The following MPRIP variants were observed in gnomAD, a reference collection of about 807,000 sequenced individuals.
MPRIP encodes myosin phosphatase Rho interacting protein.
In MPRIP, 59 loss-of-function variants were observed where a neutral mutation model predicts 234.9. The ratio of observed to expected loss-of-function variants is 0.25; its 90% confidence interval spans 0.20 to 0.31. MPRIP has a LOEUF of 0.31. Among genes scored for constraint, MPRIP ranks in the 10% least tolerant of loss-of-function variants. The pLI is 1.00. For synonymous variants in MPRIP, 1,144 were observed against 1,263.9 expected, an observed-to-expected ratio of 0.91 and a Z score of 2.01; for missense variants, 2,436 against 3,071.0, an observed-to-expected ratio of 0.79 and a Z score of 4.89.
In MPRIP at chr17:17,187,826, A is replaced by T. The variant is rs2046505850; in HGVS notation, c.*2932A>T. 6.6e-6 allele frequency: 1 copy of T among 152,270 alleles called. No individual in the cohort carries two copies. The highest frequency in any genetic ancestry group is 2.4e-5 in the African/African-American group (1 of 41,468). The allele number at this position is 152,270 out of a possible 1,614,324, so 9.4% of individuals were successfully genotyped here. ...TAGGGACAGCTGCAGGCGGGGTCTC[A>T]GGCTGCTCCTTGGCACCAGCTACAC... On this transcript the variant is annotated 3_prime_UTR_variant, in exon 24 of 24. Transcript: ENST00000651222.
In MPRIP at chr17:17,165,635, C is replaced by G. The variant is rs569116589; in HGVS notation, c.4044C>G (p.Ser1348=). Residue 1348 remains serine, a synonymous_variant, in exon 16 of 24, where the codon TCC becomes TCG. Transcript: ENST00000651222. ...SEKTWTSSTS[S]DTSQDRSPSE... is the part of the protein sequence containing the mutation. The stretch of plus-strand genomic sequence containing the variant: ...AGACCTGGACCAGCAGCACATCTTC[C>G]GACACCAGCCAGGACCGGTCACCCT... The G allele has an allele frequency of 1.5e-6, 2 of 1,304,910 alleles. No individual in the cohort carries two copies. Among genetic ancestry groups the G allele is most frequent in the Non-Finnish European group, 2.0e-6 (2 of 989,054 alleles). 80.8% of individuals were successfully genotyped at this position (1,304,910 alleles called of 1,614,324 possible). A position where few individuals can be genotyped will look rare whatever the true frequency, so the allele number is the denominator to read the frequency against.
chr17:17,119,397 C>T lies in MPRIP; in HGVS notation c.268-7305C>T, dbSNP rs1359700473. Among the ~76,000 whole-genome samples, 3 of 152,260 alleles carry T rather than the reference C, an allele frequency of 2.0e-5. No homozygotes were observed. In the East Asian group the frequency reaches 5.8e-4, roughly 29 times the overall value. On this transcript the variant is annotated intron_variant, in intron 3 of 23. Transcript: ENST00000651222. ...CCCTGCCTACAGTTTCTCTGATAAA[C>T]TTAGGCATGACCTTGTGCAAACAAT...
At chr17:17,173,269 A>T (rs762457396) in intron 18 of MPRIP, among the ~76,000 whole-genome samples, 3 of 152,258 alleles carry the variant, frequency 2.0e-5, no homozygotes, top group Admixed American at 6.5e-5. Flanking sequence ...GACTTTTTTC[A>T]CTTGGTAGAA....
At position 17,143,550 on chromosome 17, in the gene MPRIP, C is replaced by T; in HGVS notation, c.1390-6C>T. On this transcript the variant is annotated splice_polypyrimidine_tract_variant and splice_region_variant and intron_variant, in intron 8 of 23. Coordinates refer to ENST00000651222, the MANE Select transcript of MPRIP (RefSeq NM_001364716.4). ...TGCACTGACCAGCGGCTGCTCTCTGCCACAGGACTTCACCAATGAAGCCCC... is the reference window on the plus strand; with the variant it reads ...TGCACTGACCAGCGGCTGCTCTCTGTCACAGGACTTCACCAATGAAGCCCC... The T allele has an allele frequency of 6.3e-7, 1 of 1,584,702 alleles. No individual in the cohort carries two copies. Among genetic ancestry groups the T allele is most frequent in the Non-Finnish European group, 8.6e-7 (1 of 1,162,044 alleles).
intron 17 of MPRIP, among the ~76,000 whole-genome samples, 169 bp from the exon 18 acceptor site, chr17:17,172,529 A>C (rs551979399): frequency 6.6e-6 from 1 of 152,210 alleles, no homozygotes; most frequent in South Asian, 2.1e-4. Context: ...CCCACCTCAG[A>C]GAATTGGTTC....
chr17:17,168,373 G>T, intron 16 of MPRIP: 1 of 237,462 alleles, frequency 4.2e-6, no homozygotes, highest in Non-Finnish European at 8.4e-6. Flanking sequence ...CCCAGTTGGA[G>T]GGCAGTCTCC....
intron 1 of MPRIP, among the ~76,000 whole-genome samples, chr17:17,064,515 A>G (rs144639699): frequency 1.1e-4 from 16 of 152,282 alleles, no homozygotes; most frequent in African/African-American, 3.6e-4. Context: ...TACTGACTAC[A>G]ATGCAGAAAG....
chr17:17,076,936 C>CTTTTTTTTTTTTTT (rs5819598), intron 2 of MPRIP: 1 of 91,376 alleles, frequency 1.1e-5, no homozygotes, highest in African/African-American at 4.2e-5. Context: ...GGGCTCTTTG[C>CTTTTTTTTTTTTTT]TTTTTTTTTT....
chr17:17,147,168 CTGTA>C, intron 10 of MPRIP, 147 bp from the exon 11 acceptor site: 1 of 717,804 alleles, frequency 1.4e-6, no homozygotes, highest in East Asian at 2.6e-5. Context: ...GCAGAGTCCT[CTGTA>C]TGCTGTCAAG....
At chr17:17,123,563 G>A (rs2090432746) in intron 3 of MPRIP, among the ~76,000 whole-genome samples, 1 of 151,844 alleles carries the variant, frequency 6.6e-6, no homozygotes, top group Non-Finnish European at 1.5e-5. Flanking sequence ...AATTAGCTGG[G>A]TGTGGTAGCA....
Position 17,165,495 on chromosome 17 carries a change from G to A in MPRIP, c.3904G>A (p.Gly1302Ser). Residue 1302 changes from glycine (G) to serine (S), a missense_variant, in exon 16 of 24, where the codon GGC becomes AGC. By Grantham distance (56) the Gly-to-Ser change is moderately conservative. Transcript: ENST00000651222. ...GTCAGTGGAAGTGCTTGACAGGGAGGGCCATCAGCAGGGCACAGCCAAACT... is the reference window on the plus strand; with the variant it reads ...GTCAGTGGAAGTGCTTGACAGGGAGAGCCATCAGCAGGGCACAGCCAAACT... ...PKSVEVLDREGHQQGTAKLDQ... is the reference protein window; with the variant it reads ...PKSVEVLDRESHQQGTAKLDQ... The A allele has an allele frequency of 7.7e-7, 1 of 1,304,314 alleles. No individual in the cohort carries two copies. Among genetic ancestry groups the A allele is most frequent in the Non-Finnish European group, 1.0e-6 (1 of 988,970 alleles). 80.8% of individuals were successfully genotyped at this position (1,304,314 alleles called of 1,614,324 possible).
At chr17:17,070,360 C>T (rs1475174834) in intron 1 of MPRIP, among the ~76,000 whole-genome samples, 1 of 152,196 alleles carries the variant, frequency 6.6e-6, no homozygotes, top group African/African-American at 2.4e-5. Flanking sequence ...CCGCTTCACC[C>T]TTCCTCCTAT....
At chr17:17,181,516 C>T (rs2046374131) in intron 23 of MPRIP, 1 of 152,228 alleles carries the variant, frequency 6.6e-6, no homozygotes, top group South Asian at 2.1e-4. Context: ...GTCCCCTATA[C>T]CCAAATATGG....
intron 1 of MPRIP, among the ~76,000 whole-genome samples, chr17:17,043,820 T>A (rs557093394): frequency 3.9e-5 from 6 of 152,188 alleles, no homozygotes; most frequent in Non-Finnish European, 7.4e-5. Context: ...CCGAGCCTTG[T>A]GTGCACCTCC....
At chr17:17,066,723 C>CTTTTTTTCTTTTTTTTTTTTTTT (rs2089037968) in intron 1 of MPRIP, among the ~76,000 whole-genome samples, 1 of 36,636 alleles carries the variant, frequency 2.7e-5, no homozygotes, top group Non-Finnish European at 6.0e-5. Flanking sequence ...CTTTTTTCAT[C>CTTTTTTTCTTTTTTTTTTTTTTT]TTTTTTTTTT....
rs534678836 is a variant in MPRIP at position 17,169,037 on chromosome 17, G to A, written c.6324+1122G>A. ...CTCGGCCCCACCCAGACACACAGGT[G>A]TGGTTGTCAGCGAGCACCTCAGGAG... On this transcript the variant is annotated intron_variant, in intron 16 of 23. Transcript: ENST00000651222. 9.2e-4 allele frequency: 420 copies of A among 456,728 alleles called. 4 individuals are homozygous for A. Among genetic ancestry groups the A allele is most frequent in the African/African-American group, 7.3e-3 (368 of 50,188 alleles). 28.3% of individuals were successfully genotyped at this position (456,728 alleles called of 1,614,324 possible).
rs989488718 is a variant in MPRIP at position 17,167,924 on chromosome 17, G to A, written c.6324+9G>A. On this transcript the variant is annotated intron_variant, in intron 16 of 23. Coordinates refer to ENST00000651222, the MANE Select transcript of MPRIP (RefSeq NM_001364716.4). This position sits in a 1 kb window ranked among gnomAD's most constrained non-coding sequence, Gnocchi z 5.9. ...ACTTGGAGAGCCTTAAGGTCTTAAC[G>A]CCCCATTCAATTTGCAGAGCAGATC... 6 of 1,296,628 alleles carry A rather than the reference G, an allele frequency of 4.6e-6. No homozygotes were observed. The African/African-American group carries it at 7.6e-5, about 16-fold the overall frequency. The allele number at this position is 1,296,628 out of a possible 1,614,324, so 80.3% of individuals were successfully genotyped here.
At chr17:17,053,764 A>T (rs569701634) in intron 1 of MPRIP, among the ~76,000 whole-genome samples, 2 of 152,236 alleles carry the variant, frequency 1.3e-5, no homozygotes, top group African/African-American at 4.8e-5. Context: ...GCTCAGGCCC[A>T]TGCCCATTAA....
chr17:17,184,702 A>G, intron 23 of MPRIP, 121 bp from the exon 24 acceptor site: 1 of 676,572 alleles, frequency 1.5e-6, no homozygotes, highest in Non-Finnish European at 2.7e-6. Flanking sequence ...CACTAACCGC[A>G]CCTGCACCCG....
Sources: allele counts gnomAD v4.1 joint callset (sites outside exome capture counted in the v4.1 genomes callset), GRCh38; gene constraint gnomAD v4.1.1; non-coding constraint Gnocchi (gnomAD v3.1); transcripts MANE v1.5; gene names NCBI Gene and HGNC (gene_info 2026-07-23, HGNC 2026-07-21).